The following UNC5D variants were observed in gnomAD, a reference collection of about 807,000 sequenced individuals.
The protein encoded by UNC5D is unc-5 netrin receptor D.
Under a neutral mutation model 105.4 loss-of-function variants are expected in UNC5D, and 39 were observed. That is an observed-to-expected ratio of 0.37 (90% confidence interval 0.29 to 0.48). The LOEUF is 0.48. Ranked by LOEUF, UNC5D falls within the 20% of genes least tolerant of loss-of-function variation. UNC5D has a pLI of 0.98. For missense variants in UNC5D, 991 were observed against 1,202.4 expected (o/e 0.82, Z 2.60); for synonymous variants, 452 against 450.4 (o/e 1.00, Z -0.04).
At chr8:35,655,231 T>C (rs1282094244) in intron 4 of UNC5D, among the ~76,000 whole-genome samples, 1 of 152,244 alleles carries the variant, frequency 6.6e-6, no homozygotes, top group Non-Finnish European at 1.5e-5. Flanking sequence ...AAGTTTTTCA[T>C]AGTCATCTGG....
intron 1 of UNC5D, among the ~76,000 whole-genome samples, chr8:35,463,945 C>T (rs1460417867): frequency 3.3e-5 from 5 of 152,076 alleles, no homozygotes; most frequent in African/African-American, 7.2e-5. Flanking sequence ...AGAAAATGTG[C>T]AATAAAAGTT....
intron 1 of UNC5D, among the ~76,000 whole-genome samples, chr8:35,533,519 C>T (rs896008965): frequency 6.6e-6 from 1 of 152,208 alleles, no homozygotes; most frequent in African/African-American, 2.4e-5. Context: ...TGCCCTGCCC[C>T]CAGAGGTGGA....
chr8:35,641,365 G>GCAAAAAAAAAAAAAAAAAA (rs1822705067), intron 4 of UNC5D, among the ~76,000 whole-genome samples: 1 of 19,870 alleles, frequency 5.0e-5, no homozygotes, highest in Non-Finnish European at 1.1e-4. Flanking sequence ...AAAAAATAAA[G>GCAAAAAAAAAAAAAAAAAA]CAAAAAAAAA....
chr8:35,442,857 ATCTCTCTCTC>A (rs138221035), intron 1 of UNC5D, among the ~76,000 whole-genome samples: 2 of 106,902 alleles, frequency 1.9e-5, no homozygotes, highest in African/African-American at 3.3e-5. Context: ...TTCTTACACC[ATCTCTCTCTC>A]TCTCTCTCTC....
intron 1 of UNC5D, among the ~76,000 whole-genome samples, chr8:35,328,763 T>C (rs1810373694): frequency 6.6e-6 from 1 of 152,170 alleles, no homozygotes; most frequent in Non-Finnish European, 1.5e-5. Flanking sequence ...TCAGTCCGCG[T>C]CAGGAGCTGC....
In UNC5D at chr8:35,791,752, C is replaced by A. The variant is rs2131821582; in HGVS notation, c.*1189C>A. ...AAACCACATGCATCATTCAGGAAGC[C>A]TTCACCCTGTGACTATTCAGCCTCC... On this transcript the variant is annotated 3_prime_UTR_variant, in exon 17 of 17. Transcript: ENST00000404895. 6.6e-6 allele frequency: 1 copy of A among 152,266 alleles called. No individual in the cohort carries two copies. Among genetic ancestry groups the A allele is most frequent in the East Asian group, 1.9e-4 (1 of 5,174 alleles). 9.4% of individuals were successfully genotyped at this position (152,266 alleles called of 1,614,324 possible).
At chr8:35,466,463 T>C (rs1031711053) in intron 1 of UNC5D, among the ~76,000 whole-genome samples, 1 of 152,206 alleles carries the variant, frequency 6.6e-6, no homozygotes, top group African/African-American at 2.4e-5. Context: ...CATTATCTAA[T>C]TCATAAAACT....
At chr8:35,293,173 G>A (rs1205917128) in intron 1 of UNC5D, among the ~76,000 whole-genome samples, 1 of 152,170 alleles carries the variant, frequency 6.6e-6, no homozygotes. Context: ...CTCAGAGACA[G>A]CAAAGTGAAA....
intron 1 of UNC5D, among the ~76,000 whole-genome samples, chr8:35,499,060 A>G (rs1278050456): frequency 6.6e-6 from 1 of 152,174 alleles, no homozygotes; most frequent in Non-Finnish European, 1.5e-5. Context: ...CTTAACTTTA[A>G]TCATGACAAT....
intron 1 of UNC5D, among the ~76,000 whole-genome samples, chr8:35,467,572 C>CA (rs769649743): frequency 0.019 from 789 of 42,456 alleles, 9 homozygotes; most frequent in African/African-American, 0.03. Context: ...CTATGACAGG[C>CA]AAAAAAAAAA....
intron 1 of UNC5D, among the ~76,000 whole-genome samples, chr8:35,484,403 C>T (rs1431559123): frequency 6.6e-6 from 1 of 152,172 alleles, no homozygotes; most frequent in Admixed American, 6.5e-5. Flanking sequence ...AATCTATCAG[C>T]ATGTCTTATT....
chr8:35,692,284 T>G (rs1181184822), intron 7 of UNC5D, among the ~76,000 whole-genome samples: 2 of 152,178 alleles, frequency 1.3e-5, no homozygotes, highest in Non-Finnish European at 2.9e-5. Context: ...TCTACTTAAA[T>G]GACCTAGACG....
intron 1 of UNC5D, among the ~76,000 whole-genome samples, chr8:35,237,378 G>A (rs2128797694): frequency 6.6e-6 from 1 of 151,902 alleles, no homozygotes; most frequent in East Asian, 1.9e-4. Flanking sequence ...GCTCTCAGTT[G>A]TTTTTAATAC....
chr8:35,331,985 T>C (rs1160582234), intron 1 of UNC5D, among the ~76,000 whole-genome samples: 1 of 152,224 alleles, frequency 6.6e-6, no homozygotes, highest in Non-Finnish European at 1.5e-5. Context: ...TTTCTCTTGC[T>C]GGAAGGTAGT....
intron 2 of UNC5D, among the ~76,000 whole-genome samples, chr8:35,555,875 GCACACACACACACACACACACACACA>G (rs56788274): frequency 3.7e-5 from 5 of 134,236 alleles, no homozygotes; most frequent in Non-Finnish European, 4.8e-5. Context: ...TAAAAAAACA[GCACACACACACACACACACACACACA>G]CACACACACA....
chr8:35,410,260 C>T (rs1012840743), intron 1 of UNC5D, among the ~76,000 whole-genome samples: 1 of 151,864 alleles, frequency 6.6e-6, no homozygotes, highest in Admixed American at 6.6e-5. Flanking sequence ...TCCCCATATA[C>T]TGTCAGCTAG....
intron 7 of UNC5D, among the ~76,000 whole-genome samples, chr8:35,691,312 G>C (rs925115169): frequency 2.0e-5 from 3 of 152,022 alleles, no homozygotes; most frequent in Non-Finnish European, 4.4e-5. Context: ...GCAAGACCCC[G>C]GTCTCTACAA....
intron 14 of UNC5D, among the ~76,000 whole-genome samples, chr8:35,761,198 G>A (rs1801516440): frequency 1.3e-5 from 2 of 152,180 alleles, no homozygotes; most frequent in South Asian, 4.1e-4. Flanking sequence ...GAACTTCAGA[G>A]TATTGTTAAA....
intron 2 of UNC5D, among the ~76,000 whole-genome samples, chr8:35,555,557 G>A (rs1388059387): frequency 1.3e-5 from 2 of 152,130 alleles, no homozygotes; most frequent in Non-Finnish European, 2.9e-5. Flanking sequence ...GCAGGGCACG[G>A]TTGCTCATGC....
Sources: gnomAD v4.1 joint callset for allele counts (sites outside exome capture counted in the v4.1 genomes callset) on GRCh38, gnomAD v4.1.1 for gene constraint, MANE v1.5 for transcripts, NCBI Gene and HGNC (gene_info 2026-07-23, HGNC 2026-07-21) for gene names.